SYTL5: variants seen among roughly 807,000 people sequenced by gnomAD.
SYTL5 encodes synaptotagmin-like protein 5.
SYTL5 carries 34 observed loss-of-function variants against 55.9 expected under a neutral mutation model. The ratio of observed to expected loss-of-function variants is 0.61; its 90% confidence interval spans 0.46 to 0.81. The LOEUF (loss-of-function observed/expected upper bound fraction) is 0.81. Ranked by LOEUF, SYTL5 falls within the 30% of genes least tolerant of loss-of-function variation. The pLI is 0.00. For synonymous variants in SYTL5, 221 were observed against 188.7 expected (o/e 1.17, Z -1.40); for missense variants, 637 against 546.7 (o/e 1.17, Z -1.65).
At chrX:37,953,142 A>T in the SYTL5 span, among the ~76,000 whole-genome samples, 46 of 111,239 alleles carry the variant, frequency 4.1e-4, no homozygotes, top group Admixed American at 7.7e-4. Context: ...AAAAATAAAT[A>T]AATTAATTTA....
the SYTL5 span, among the ~76,000 whole-genome samples, chrX:37,929,599 G>A: frequency 2.7e-5 from 3 of 111,950 alleles, no homozygotes; most frequent in African/African-American, 6.5e-5. Context: ...ACAAAAGGGA[G>A]GGGCAGTTAC....
chrX:38,053,410 G>A (rs916423491), intron 2 of SYTL5, among the ~76,000 whole-genome samples: 34 of 112,570 alleles, frequency 3.0e-4, no homozygotes, highest in African/African-American at 1.1e-3. Flanking sequence ...GAAATGAAGA[G>A]ACTGGGGTTG....
intron 1 of SYTL5, among the ~76,000 whole-genome samples, chrX:38,008,459 T>C (rs919227292): frequency 2.7e-5 from 3 of 111,662 alleles, no homozygotes; most frequent in African/African-American, 6.5e-5. Context: ...TTGATTTTAC[T>C]GAAGACAGCA....
the SYTL5 span, among the ~76,000 whole-genome samples, chrX:37,986,159 C>T: frequency 9.1e-6 from 1 of 109,922 alleles, no homozygotes; most frequent in Non-Finnish European, 1.9e-5. Context: ...AGATAAATCG[C>T]ACTTTATTTT....
chrX:38,097,974 T>C (rs1191598521), intron 9 of SYTL5, among the ~76,000 whole-genome samples: 1 of 109,882 alleles, frequency 9.1e-6, no homozygotes, highest in Non-Finnish European at 1.9e-5. Context: ...CAACAGGATA[T>C]CCAAATACCA....
the SYTL5 span, among the ~76,000 whole-genome samples, chrX:37,928,790 T>C: frequency 2.7e-5 from 3 of 112,507 alleles, no homozygotes; most frequent in African/African-American, 9.7e-5. Context: ...TATTTTTCCA[T>C]TTCTCATTAA....
At chrX:37,943,623 G>A in the SYTL5 span, among the ~76,000 whole-genome samples, 76 of 111,577 alleles carry the variant, frequency 6.8e-4, no homozygotes, top group Non-Finnish European at 1.3e-3. Flanking sequence ...GGGATTTTCA[G>A]TAAACTAACT....
chrX:38,094,382 G>A lies in SYTL5; in HGVS notation c.919G>A (p.Gly307Ser). The A allele has an allele frequency of 1.7e-6, 2 of 1,205,787 alleles. No individual in the cohort carries two copies. The highest frequency in any genetic ancestry group is 2.2e-6 in the Non-Finnish European group (2 of 891,456). ...LTKSHRRNTS[G>S]TPSIAVSGTS... is the part of the protein sequence containing the mutation. ...AAAGAGTCACCGCAGAAACACTTCT[G>A]GCACACCTTCCATAGCAGTGTCTGG... Residue 307 changes from glycine to serine, a missense_variant, in exon 8 of 17, where the codon GGC becomes AGC. Gly to Ser is a moderately conservative substitution (Grantham distance 56, BLOSUM62 0). Transcript: ENST00000297875.
At chrX:38,119,939 A>G (rs1311188766) in intron 13 of SYTL5, among the ~76,000 whole-genome samples, 2 of 112,343 alleles carry the variant, frequency 1.8e-5, no homozygotes, top group African/African-American at 6.5e-5. Context: ...CACTTGGGAA[A>G]GACTTAAAAG....
At chrX:38,070,358 C>A (rs1951282797) in intron 3 of SYTL5, among the ~76,000 whole-genome samples, 1 of 110,741 alleles carries the variant, frequency 9.0e-6, no homozygotes, top group Admixed American at 9.6e-5. Context: ...TTTTCCTCAG[C>A]CACCATATCA....
At chrX:38,110,590 C>A in intron 13 of SYTL5, 108 bp downstream of exon 13, 1 of 669,190 alleles carries the variant, frequency 1.5e-6, no homozygotes, top group Non-Finnish European at 2.1e-6. Context: ...AAGTGATAAT[C>A]TGCAAAAAAT....
chrX:38,107,186 A>T (rs777765687), intron 11 of SYTL5, among the ~76,000 whole-genome samples: 6 of 111,876 alleles, frequency 5.4e-5, no homozygotes, highest in Non-Finnish European at 1.1e-4. Flanking sequence ...TCAGCCTGGG[A>T]GGGCAGGTAT....
At chrX:37,989,037 G>T in the SYTL5 span, among the ~76,000 whole-genome samples, 3 of 112,027 alleles carry the variant, frequency 2.7e-5, no homozygotes, top group African/African-American at 9.7e-5. Context: ...TATCCAGATT[G>T]CAAAAGACAC....
Position 38,089,557 on chromosome X carries a change from C to A in SYTL5, c.801C>A (p.Ser267Arg). The A allele has an allele frequency of 8.3e-7, 1 of 1,210,651 alleles. No individual in the cohort carries two copies. The highest frequency in any genetic ancestry group is 1.1e-6 in the Non-Finnish European group (1 of 895,023). ...TPGTQSSPAP[S>R]TRTVTSVISR... Reference sequence around the variant, plus strand: ...GCACTCAGAGTTCACCAGCCCCAAGCACACGAACTGTGACCTCAGTCATCA... The same window carrying A: ...GCACTCAGAGTTCACCAGCCCCAAGAACACGAACTGTGACCTCAGTCATCA... The change falls in exon 7 of 17, where the codon AGC (serine) becomes AGA (arginine). Residue 267 changes from serine (S) to arginine (R), a missense_variant. Physicochemically the swap from Ser to Arg is moderately radical, Grantham distance 110 (BLOSUM62 -1). Coordinates refer to ENST00000297875, the MANE Select transcript of SYTL5 (RefSeq NM_138780.3).
At chrX:37,920,184 A>T in the SYTL5 span, among the ~76,000 whole-genome samples, 1 of 111,820 alleles carries the variant, frequency 8.9e-6, no homozygotes, top group Non-Finnish European at 1.9e-5. Context: ...CTGAATAAGA[A>T]ATAATAGTCC....
chrX:38,112,098 T>C (rs1414451564), intron 13 of SYTL5, among the ~76,000 whole-genome samples: 1 of 111,707 alleles, frequency 9.0e-6, no homozygotes, highest in Non-Finnish European at 1.9e-5. Context: ...TCTGATTGCA[T>C]TCACTGTGGA....
At chrX:38,003,889 G>C (rs760465734), upstream of SYTL5, among the ~76,000 whole-genome samples, 3 of 111,669 alleles carry the variant, frequency 2.7e-5, no homozygotes, top group South Asian at 1.1e-3. Flanking sequence ...ATTTTAACTG[G>C]AGTAAGATGA....
the SYTL5 span, among the ~76,000 whole-genome samples, chrX:37,944,910 A>G: frequency 1.8e-5 from 2 of 112,678 alleles, no homozygotes; most frequent in Non-Finnish European, 3.8e-5. Flanking sequence ...CTCAGGGTCT[A>G]CTTTTGGGGG....
At chrX:38,067,638 T>C (rs1252358169) in intron 3 of SYTL5, among the ~76,000 whole-genome samples, 1 of 111,750 alleles carries the variant, frequency 8.9e-6, no homozygotes, top group Non-Finnish European at 1.9e-5. Flanking sequence ...ACATAAACAA[T>C]TGAGCATGGA....
Sources: gnomAD v4.1 joint callset for allele counts (sites outside exome capture counted in the v4.1 genomes callset) on GRCh38, gnomAD v4.1.1 for gene constraint, MANE v1.5 for transcripts, NCBI Gene and HGNC (gene_info 2026-07-23, HGNC 2026-07-21) for gene names.